The following CNIH1 variants were observed in gnomAD, a reference collection of about 807,000 sequenced individuals.
CNIH1 encodes the protein protein cornichon homolog 1.
CNIH1 carries 12 observed loss-of-function variants against 20.2 expected under a neutral mutation model. The observed-to-expected ratio is 0.59, with a 90% CI of 0.38 to 0.96. CNIH1 has a LOEUF of 0.96. CNIH1 is among the 40% of genes least tolerant of loss of function. CNIH1 has a pLI of 0.00. For synonymous variants in CNIH1, 69 were observed against 63.3 expected (o/e 1.09, Z -0.43); for missense variants, 152 against 178.8 (o/e 0.85, Z 0.85).
intron 2 of CNIH1, among the ~76,000 whole-genome samples, chr14:54,434,947 A>G (rs891266452): frequency 2.0e-5 from 3 of 152,222 alleles, no homozygotes; most frequent in Non-Finnish European, 4.4e-5. Flanking sequence ...ACAAACTAGA[A>G]ATCTCTTCCA....
intron 4 of CNIH1, 43 bp downstream of exon 4, chr14:54,430,218 G>A (rs931782629): frequency 2.5e-6 from 4 of 1,598,096 alleles, no homozygotes; most frequent in Admixed American, 3.4e-5. Context: ...AACTTTTAAA[G>A]CAGCAAAGTG....
Position 54,427,770 on chromosome 14 carries a change from C to T in CNIH1, c.*44G>A, listed in dbSNP as rs1406411101. ...TGGATAGAATCCCTTCATTTGGTGGCTTTTTGCATGCACTTAACTGGACCA... is the reference window on the plus strand; with the variant it reads ...TGGATAGAATCCCTTCATTTGGTGGTTTTTTGCATGCACTTAACTGGACCA... On this transcript the variant is annotated 3_prime_UTR_variant, in exon 5 of 5. Transcript: ENST00000216416. The T allele has an allele frequency of 3.7e-6, 6 of 1,608,434 alleles. No homozygotes were observed. Among genetic ancestry groups the T allele is most frequent in the Non-Finnish European group, 5.1e-6 (6 of 1,175,944 alleles).
chr14:54,436,368 C>T lies in CNIH1; in HGVS notation c.150+1G>A, dbSNP rs1162861625. The T allele has an allele frequency of 3.4e-6, 5 of 1,477,498 alleles. No homozygotes were observed. Among genetic ancestry groups the T allele is most frequent in the East Asian group, 4.5e-5 (2 of 44,216 alleles). The allele number at this position is 1,477,498 out of a possible 1,614,324, so 91.5% of individuals were successfully genotyped here. A position where few individuals can be genotyped will look rare whatever the true frequency, so the allele number is the denominator to read the frequency against. ...AAGATAAATCCTATATTATAACTTA[C>T]GGGATTCAGGGTATTACACTGGTCT... On this transcript the variant is annotated splice_donor_variant, in intron 2 of 4. Transcript: ENST00000216416. LOFTEE classifies it high-confidence loss of function.
intron 1 of CNIH1, among the ~76,000 whole-genome samples, chr14:54,439,557 T>G (rs1406286336): frequency 2.3e-4 from 33 of 143,678 alleles, no homozygotes; most frequent in Admixed American, 1.9e-3. Flanking sequence ...TCTTTCTTTT[T>G]TTTTGTTTTT....
intron 2 of CNIH1, among the ~76,000 whole-genome samples, chr14:54,435,878 C>T (rs1276520717): frequency 6.6e-6 from 1 of 152,034 alleles, no homozygotes; most frequent in Non-Finnish European, 1.5e-5. Context: ...CATAAAAAAA[C>T]GCATACGCAT....
In CNIH1 at chr14:54,432,151, T is replaced by C; in HGVS notation, c.220A>G (p.Thr74Ala). ...AAGAGGGGCATATTGAGACCCAGTG[T>C]AAGCCACTCTGCTGCACAAAGAAAC... ...VMFLCAAEWLTLGLNMPLLAY... is the reference protein window; with the variant it reads ...VMFLCAAEWLALGLNMPLLAY... The change falls in exon 3 of 5, where the codon ACA becomes GCA. Residue 74 changes from threonine (T) to alanine (A), a missense_variant. Coordinates refer to ENST00000216416, the MANE Select transcript of CNIH1 (RefSeq NM_005776.3). 1.3e-6 allele frequency: 2 copies of C among 1,571,088 alleles called. No homozygotes were observed. The highest frequency in any genetic ancestry group is 1.7e-6 in the Non-Finnish European group (2 of 1,157,220).
Position 54,427,634 on chromosome 14 carries a change from T to C in CNIH1, c.*180A>G. 1 of 622,596 alleles carries C rather than the reference T, an allele frequency of 1.6e-6. No individual in the cohort carries two copies. The highest frequency in any genetic ancestry group is 2.0e-5 in the South Asian group (1 of 48,896). 38.6% of individuals were successfully genotyped at this position (622,596 alleles called of 1,614,324 possible). ...TTAAAATCTTTATCTGAGTATAACA[T>C]ATGAAAACAGTCTTTCCACAAGCAA... On this transcript the variant is annotated 3_prime_UTR_variant, in exon 5 of 5. Coordinates refer to ENST00000216416, the MANE Select transcript of CNIH1 (RefSeq NM_005776.3).
At chr14:54,430,576 C>A (rs2030914585) in intron 3 of CNIH1, among the ~76,000 whole-genome samples, 172 bp from the exon 4 acceptor site, 1 of 152,072 alleles carries the variant, frequency 6.6e-6, no homozygotes, top group Non-Finnish European at 1.5e-5. Flanking sequence ...AAAGTAGAGC[C>A]CCTAAATGAG....
chr14:54,423,940 T>C lies in CNIH1; in HGVS notation c.*3874A>G, dbSNP rs559259095. ...TCACTCCAACCCCAAAGATCTTACATGGTTAATACTATTTTCCAAAATCAG... is the reference window on the plus strand; with the variant it reads ...TCACTCCAACCCCAAAGATCTTACACGGTTAATACTATTTTCCAAAATCAG... On this transcript the variant is annotated 3_prime_UTR_variant, in exon 5 of 5. Coordinates refer to ENST00000216416, the MANE Select transcript of CNIH1 (RefSeq NM_005776.3). 4.3e-4 allele frequency: 65 copies of C among 152,336 alleles called. No individual in the cohort carries two copies. Among genetic ancestry groups the C allele is most frequent in the Admixed American group, 4.1e-3 (62 of 15,300 alleles). The allele number at this position is 152,336 out of a possible 1,614,324, so 9.4% of individuals were successfully genotyped here. A position where few individuals can be genotyped will look rare whatever the true frequency, so the allele number is the denominator to read the frequency against.
rs1355347457 is a variant in CNIH1 at position 54,423,651 on chromosome 14, G to C, written c.*4163C>G. The C allele has an allele frequency of 1.3e-5, 2 of 152,166 alleles. No homozygotes were observed. The highest frequency in any genetic ancestry group is 2.9e-5 in the Non-Finnish European group (2 of 68,034). 9.4% of individuals were successfully genotyped at this position (152,166 alleles called of 1,614,324 possible). A position where few individuals can be genotyped will look rare whatever the true frequency, so the allele number is the denominator to read the frequency against. ...CTTAAGGGCGTTTTCTGTGGACAGC[G>C]GACACAGCACCATTAAGGTTAGCTT... On this transcript the variant is annotated 3_prime_UTR_variant, in exon 5 of 5. Transcript: ENST00000216416.
chr14:54,430,118 G>T, intron 4 of CNIH1, 143 bp downstream of exon 4: 1 of 798,368 alleles, frequency 1.3e-6, no homozygotes, highest in Non-Finnish European at 2.0e-6. Context: ...CACTGAATGT[G>T]TGCGAATTTG....
chr14:54,426,921 C>T lies in CNIH1; in HGVS notation c.*893G>A, dbSNP rs1594614775. 6.6e-6 allele frequency: 1 copy of T among 152,112 alleles called. No individual in the cohort carries two copies. Among genetic ancestry groups the T allele is most frequent in the African/African-American group, 2.4e-5 (1 of 41,438 alleles). The allele number at this position is 152,112 out of a possible 1,614,324, so 9.4% of individuals were successfully genotyped here. A position where few individuals can be genotyped will look rare whatever the true frequency, so the allele number is the denominator to read the frequency against. On this transcript the variant is annotated 3_prime_UTR_variant, in exon 5 of 5. Transcript: ENST00000216416. ...ACTATTTTTAATCTCAAACAATGCA[C>T]TGAAAGTGAGTCTTAATTTCAGAGT...
chr14:54,436,383 T>C lies in CNIH1; in HGVS notation c.136A>G (p.Asn46Asp). The C allele has an allele frequency of 6.5e-7, 1 of 1,543,890 alleles. No homozygotes were observed. The highest frequency in any genetic ancestry group is 8.9e-7 in the Non-Finnish European group (1 of 1,117,830). ...TDYKNPIDQC[N>D]TLNPLVLPEY... The stretch of plus-strand genomic sequence containing the variant: ...TTATAACTTACGGGATTCAGGGTAT[T>C]ACACTGGTCTATAGGATTCTTGTAA... The change falls in exon 2 of 5, where the codon AAT becomes GAT. Residue 46 changes from asparagine (N) to aspartate (D), a missense_variant. Physicochemically the swap from Asn to Asp is conservative, Grantham distance 23. Coordinates refer to ENST00000216416, the MANE Select transcript of CNIH1 (RefSeq NM_005776.3).
At chr14:54,440,542 A>T (rs1460076060) in intron 1 of CNIH1, among the ~76,000 whole-genome samples, 1 of 152,202 alleles carries the variant, frequency 6.6e-6, no homozygotes, top group Non-Finnish European at 1.5e-5. Flanking sequence ...CTCAAAATCA[A>T]ATGAAAACTC....
Position 54,428,188 on chromosome 14 carries a change from G to A in CNIH1, c.408-347C>T, listed in dbSNP as rs142959267. ...AGTATCTCTGGAGGGCTCACTTCAC[G>A]CCAGGCCCTGTTAGGTCTCTTATAT... On this transcript the variant is annotated intron_variant, in intron 4 of 4. Transcript: ENST00000216416. 4.1e-3 allele frequency among the ~76,000 whole-genome samples: 622 copies of A among 152,246 alleles called. 5 individuals carry two copies. The highest frequency in any genetic ancestry group is 7.5e-3 in the South Asian group (36 of 4,822).
At chr14:54,432,690 A>C (rs2030973438) in intron 2 of CNIH1, among the ~76,000 whole-genome samples, 1 of 152,248 alleles carries the variant, frequency 6.6e-6, no homozygotes. Context: ...AAAACCAGAA[A>C]TGCTACATAC....
At chr14:54,438,142 G>A (rs2031093894) in intron 1 of CNIH1, among the ~76,000 whole-genome samples, 1 of 152,108 alleles carries the variant, frequency 6.6e-6, no homozygotes, top group South Asian at 2.1e-4. Context: ...ACCATGCCTG[G>A]CTAATTTTTG....
Position 54,425,182 on chromosome 14 carries a change from G to A in CNIH1, c.*2632C>T, listed in dbSNP as rs371594605. On this transcript the variant is annotated 3_prime_UTR_variant, in exon 5 of 5. Coordinates refer to ENST00000216416, the MANE Select transcript of CNIH1 (RefSeq NM_005776.3). The stretch of plus-strand genomic sequence containing the variant: ...TAGTATTATTACTCAGTAAAGTAAC[G>A]GCTAAACAGACATTTATTATGTTAG... The A allele has an allele frequency of 6.6e-5, 10 of 152,118 alleles. No individual in the cohort carries two copies. The highest frequency in any genetic ancestry group is 2.1e-4 in the South Asian group (1 of 4,826). The allele number at this position is 152,118 out of a possible 1,614,324, so 9.4% of individuals were successfully genotyped here.
At position 54,441,365 on chromosome 14, in the gene CNIH1, G is replaced by A. The variant is rs1187640059; in HGVS notation, c.-38C>T. 1 of 1,470,824 alleles carries A rather than the reference G, an allele frequency of 6.8e-7. No individual in the cohort carries two copies. The highest frequency in any genetic ancestry group is 9.1e-7 in the Non-Finnish European group (1 of 1,099,238). 91.1% of individuals were successfully genotyped at this position (1,470,824 alleles called of 1,614,324 possible). ...GGAGCGGGGAGCGGCGCCGTTGCCA[G>A]CGGAGAAAGGCGGCGCAGGGCCCTC... is the stretch of plus-strand genomic sequence containing the variant. On this transcript the variant is annotated 5_prime_UTR_variant, in exon 1 of 5. Coordinates refer to ENST00000216416, the MANE Select transcript of CNIH1 (RefSeq NM_005776.3).
Sources: gnomAD v4.1 joint callset for allele counts (sites outside exome capture counted in the v4.1 genomes callset) on GRCh38, gnomAD v4.1.1 for gene constraint, MANE v1.5 for transcripts, NCBI Gene and HGNC (gene_info 2026-07-23, HGNC 2026-07-21) for gene names.